THRB: variants seen among roughly 807,000 people sequenced by gnomAD.
THRB encodes the protein thyroid hormone receptor beta.
THRB carries 12 observed loss-of-function variants against 47.8 expected under a neutral mutation model. The observed-to-expected ratio is 0.25, with a 90% confidence interval of 0.16 to 0.41. The LOEUF is 0.41. THRB is among the 10% of genes least tolerant of loss of function. The pLI is 1.00. For missense variants in THRB, 348 were observed against 589.2 expected (o/e 0.59, Z 4.24); for synonymous variants, 218 against 212.2 (o/e 1.03, Z -0.24).
At chr3:24,478,467 C>T (rs1474112839) in intron 1 of THRB, among the ~76,000 whole-genome samples, 2 of 152,118 alleles carry the variant, frequency 1.3e-5, no homozygotes, top group East Asian at 3.9e-4. Flanking sequence ...ATAACATATT[C>T]ACTTTATTGT....
chr3:24,184,727 T>TA (rs1280655343), intron 5 of THRB, among the ~76,000 whole-genome samples: 1 of 152,168 alleles, frequency 6.6e-6, no homozygotes, highest in Non-Finnish European at 1.5e-5. Flanking sequence ...CCTTGAGGTA[T>TA]AAGAATCACT....
chr3:24,167,564 T>C (rs1054740152), intron 5 of THRB, among the ~76,000 whole-genome samples: 1 of 152,198 alleles, frequency 6.6e-6, no homozygotes, highest in Non-Finnish European at 1.5e-5. Context: ...TGTCATTTAT[T>C]TATCTCAAAT....
At chr3:24,212,033 G>C (rs1397396513) in intron 4 of THRB, among the ~76,000 whole-genome samples, 1 of 152,230 alleles carries the variant, frequency 6.6e-6, no homozygotes, top group Non-Finnish European at 1.5e-5. Context: ...GGAGGCTGAG[G>C]CAGGCGGATC....
rs188718714 is a variant in THRB, at chr3:24,212,393, G to A, written c.22+16545C>T. Among the ~76,000 whole-genome samples the A allele has an allele frequency of 2.0e-3, 300 of 151,262 alleles. 6 individuals carry two copies. The highest frequency in any genetic ancestry group is 0.018 in the Admixed American group (278 of 15,182). On this transcript the variant is annotated intron_variant, in intron 4 of 10. Coordinates refer to ENST00000646209, the MANE Select transcript of THRB (RefSeq NM_001354712.2). Reference sequence around the variant, plus strand: ...AGCCTGGGTGACAGAGCTAGACTCCGTCTCAAAACAACAAAATAAAACAAA... The same window carrying A: ...AGCCTGGGTGACAGAGCTAGACTCCATCTCAAAACAACAAAATAAAACAAA...
chr3:24,465,050 C>A (rs1311795451), intron 1 of THRB, among the ~76,000 whole-genome samples: 2 of 151,868 alleles, frequency 1.3e-5, no homozygotes, highest in African/African-American at 4.8e-5. Context: ...TTTCCTGCAA[C>A]CTACACCTTC....
intron 4 of THRB, among the ~76,000 whole-genome samples, chr3:24,222,375 A>C (rs2047235975): frequency 6.6e-6 from 1 of 152,164 alleles, no homozygotes. Flanking sequence ...ATATCGAGGA[A>C]GTGGAGAGAA....
Position 24,316,823 on chromosome 3 carries a change from C to T in THRB, c.-188-19452G>A, listed in dbSNP as rs371316715. ...CACACCTTAAAACATCCTCCACCCC[C>T]CAGAACACTTGACACCTCCCAAACA... is the stretch of plus-strand genomic sequence containing the variant. On this transcript the variant is annotated intron_variant, in intron 2 of 10. Transcript: ENST00000646209. 2.6e-5 allele frequency among the ~76,000 whole-genome samples: 4 copies of T among 152,274 alleles called. No homozygotes were observed. The East Asian group carries it at 5.8e-4, about 22-fold the overall frequency.
At chr3:24,261,273 C>T (rs1616400) in intron 3 of THRB, among the ~76,000 whole-genome samples, 113,605 of 151,654 alleles carry the variant, frequency 0.75, 43,296 homozygotes, top group Non-Finnish European at 0.82. Flanking sequence ...GAGGCCGAGG[C>T]GGGCAGATCA....
At chr3:24,263,833 G>A (rs2052348658) in intron 3 of THRB, among the ~76,000 whole-genome samples, 1 of 152,002 alleles carries the variant, frequency 6.6e-6, no homozygotes. Context: ...GGAAAGCATG[G>A]GTTTTAAAAG....
chr3:24,247,356 T>C (rs1309484048), intron 3 of THRB, among the ~76,000 whole-genome samples: 1 of 152,222 alleles, frequency 6.6e-6, no homozygotes, highest in Non-Finnish European at 1.5e-5. Context: ...TGATAAGTTC[T>C]AGGGAACCTG....
intron 3 of THRB, among the ~76,000 whole-genome samples, chr3:24,237,749 A>G (rs2049019298): frequency 6.6e-6 from 1 of 152,066 alleles, no homozygotes. Context: ...ATACCCTTCA[A>G]TGCTGGGTTC....
intron 1 of THRB, among the ~76,000 whole-genome samples, chr3:24,369,460 A>G (rs1198144582): frequency 1.3e-5 from 2 of 152,180 alleles, no homozygotes; most frequent in African/African-American, 4.8e-5. Flanking sequence ...TGCCTTCACA[A>G]CAAGGAATTC....
At chr3:24,375,155 C>T (rs2149787073) in intron 1 of THRB, among the ~76,000 whole-genome samples, 1 of 151,614 alleles carries the variant, frequency 6.6e-6, no homozygotes, top group Middle Eastern at 3.4e-3. Context: ...AAATGGAATG[C>T]AAACTTCTAT....
chr3:24,315,973 T>A (rs2058087669), intron 2 of THRB, among the ~76,000 whole-genome samples: 1 of 152,234 alleles, frequency 6.6e-6, no homozygotes, highest in African/African-American at 2.4e-5. Context: ...TTCTGTTTTT[T>A]TTCTTTTTTG....
chr3:24,448,038 C>T (rs1475751431), intron 1 of THRB, among the ~76,000 whole-genome samples: 1 of 151,922 alleles, frequency 6.6e-6, no homozygotes, highest in East Asian at 2.0e-4. Flanking sequence ...TGTTGGTCAG[C>T]AAGAAGCAAC....
chr3:24,204,113 C>T (rs2044971999), intron 4 of THRB, among the ~76,000 whole-genome samples: 1 of 152,258 alleles, frequency 6.6e-6, no homozygotes, highest in African/African-American at 2.4e-5. Flanking sequence ...GCAGCAGAAA[C>T]CTCTGCAGAC....
At chr3:24,357,022 C>T (rs1448456700) in intron 1 of THRB, among the ~76,000 whole-genome samples, 1 of 150,448 alleles carries the variant, frequency 6.6e-6, no homozygotes, top group African/African-American at 2.4e-5. Context: ...TTTTCAGCAC[C>T]TAGCCATGAT....
chr3:24,481,571 T>C (rs1205406543), intron 1 of THRB, among the ~76,000 whole-genome samples: 1 of 152,032 alleles, frequency 6.6e-6, no homozygotes, highest in Admixed American at 6.6e-5. Flanking sequence ...ATAAGGGGTG[T>C]GGACACTGAA....
At chr3:24,376,923 CAA>C (rs959980453) in intron 1 of THRB, among the ~76,000 whole-genome samples, 1 of 151,796 alleles carries the variant, frequency 6.6e-6, no homozygotes, top group Non-Finnish European at 1.5e-5. Flanking sequence ...TCTGCCTGCC[CAA>C]AATATCTGTC....
Sources: gnomAD v4.1 joint callset for allele counts (sites outside exome capture counted in the v4.1 genomes callset) on GRCh38, gnomAD v4.1.1 for gene constraint, MANE v1.5 for transcripts, NCBI Gene and HGNC (gene_info 2026-07-23, HGNC 2026-07-21) for gene names.